The following MTHFD1L variants were observed in gnomAD, a reference collection of about 807,000 sequenced individuals.
MTHFD1L encodes the protein methylenetetrahydrofolate dehydrogenase (NADP+ dependent) 1 like.
A neutral mutation model predicts 119.5 loss-of-function variants in MTHFD1L; 81 were observed. That is an observed-to-expected ratio of 0.68 (90% CI 0.57 to 0.82). The LOEUF (loss-of-function observed/expected upper bound fraction) is 0.82, where lower values mean the gene tolerates loss of function less well. Ranked by LOEUF, MTHFD1L falls within the 40% of genes least tolerant of loss-of-function variation. The probability of loss-of-function intolerance (pLI) is 0.00; values close to 1 mark genes in which losing one functional copy is unlikely to be tolerated. For synonymous variants in MTHFD1L, 430 were observed against 475.2 expected (o/e 0.90, Z 1.24); for missense variants, 1,125 against 1,253.4 (o/e 0.90, Z 1.55).
chr6:151,078,196 A>G (rs1792774416), intron 26 of MTHFD1L, among the ~76,000 whole-genome samples: 2 of 151,924 alleles, frequency 1.3e-5, no homozygotes, highest in Non-Finnish European at 2.9e-5. Flanking sequence ...CTAGAGGAGT[A>G]TTTCACTCAA....
At chr6:151,022,173 G>T in intron 24 of MTHFD1L, 1 of 390,834 alleles carries the variant, frequency 2.6e-6, no homozygotes, top group Non-Finnish European at 5.3e-6. Context: ...TCCTCTGCTG[G>T]TCTTTTTTAA....
At chr6:150,936,301 A>G (rs971872366) in intron 11 of MTHFD1L, among the ~76,000 whole-genome samples, 6 of 152,234 alleles carry the variant, frequency 3.9e-5, no homozygotes, top group Admixed American at 3.9e-4. Context: ...AGCCCTGGGC[A>G]GGGATATCTG....
intron 8 of MTHFD1L, among the ~76,000 whole-genome samples, chr6:150,914,296 CA>C (rs575149920): frequency 1.3e-5 from 2 of 150,382 alleles, no homozygotes; most frequent in Non-Finnish European, 3.0e-5. Context: ...GACCTTATCT[CA>C]AAAAAAAGTG....
chr6:151,063,415 G>A (rs1309723231), intron 26 of MTHFD1L, among the ~76,000 whole-genome samples: 2 of 151,972 alleles, frequency 1.3e-5, no homozygotes, highest in Admixed American at 6.6e-5. Context: ...TTATTGCCTC[G>A]TTTGTCATCT....
chr6:150,869,414 G>A (rs964974464), intron 1 of MTHFD1L, among the ~76,000 whole-genome samples: 6 of 152,154 alleles, frequency 3.9e-5, no homozygotes, highest in African/African-American at 1.4e-4. Context: ...ACTTATGAGT[G>A]AGAACATGGG....
At position 150,882,805 on chromosome 6, in the gene MTHFD1L, A is replaced by G. The variant is rs1562309545; in HGVS notation, c.461A>G (p.His154Arg). The change falls in exon 5 of 28, where the codon CAT becomes CGT. Residue 154 changes from histidine to arginine, a missense_variant. His to Arg is a conservative substitution (Grantham distance 29, BLOSUM62 0). Transcript: ENST00000367321. ...ILKINEDTRV[H>R]GLALQISENL... is the part of the protein sequence containing the mutation. ...AAGATCAATGAAGATACCAGAGTAC[A>G]TGGCCTTGCCCTTCAGATCTCTGAG... 1 of 1,573,034 alleles carries G rather than the reference A, an allele frequency of 6.4e-7. No individual in the cohort carries two copies. The highest frequency in any genetic ancestry group is 8.6e-7 in the Non-Finnish European group (1 of 1,165,984).
chr6:151,078,770 A>G (rs1584415225), intron 26 of MTHFD1L, among the ~76,000 whole-genome samples: 1 of 152,132 alleles, frequency 6.6e-6, no homozygotes, highest in East Asian at 1.9e-4. Flanking sequence ...ACCTCCCTTC[A>G]CTGTCACTCG....
At chr6:150,965,377 G>A (rs985436274) in intron 19 of MTHFD1L, among the ~76,000 whole-genome samples, 1 of 152,094 alleles carries the variant, frequency 6.6e-6, no homozygotes, top group African/African-American at 2.4e-5. Flanking sequence ...GTCAATGTCT[G>A]AGGCCAGGCG....
chr6:150,935,476 C>T (rs1791898148), intron 11 of MTHFD1L: 1 of 1,607,148 alleles, frequency 6.2e-7, no homozygotes, highest in South Asian at 1.1e-5. Flanking sequence ...CCTGTGCAAT[C>T]ATAGGAGATG....
intron 26 of MTHFD1L, among the ~76,000 whole-genome samples, chr6:151,058,965 C>T (rs79830246): frequency 0.032 from 4,802 of 152,172 alleles, 108 homozygotes; most frequent in Non-Finnish European, 0.048. Flanking sequence ...CGTGAGCCAC[C>T]GCACCTGGCC....
At chr6:151,003,037 C>G (rs929675221) in intron 20 of MTHFD1L, among the ~76,000 whole-genome samples, 2 of 152,102 alleles carry the variant, frequency 1.3e-5, no homozygotes, top group African/African-American at 4.8e-5. Flanking sequence ...CGCCTCCAGT[C>G]GAGAAGGGCT....
intron 26 of MTHFD1L, among the ~76,000 whole-genome samples, chr6:151,055,486 C>T (rs1789749424): frequency 6.6e-6 from 1 of 151,924 alleles, no homozygotes; most frequent in Admixed American, 6.6e-5. Flanking sequence ...CAGGATTCAA[C>T]CCCAGAAATA....
At chr6:150,917,206 C>A (rs1788125942) in intron 8 of MTHFD1L, among the ~76,000 whole-genome samples, 1 of 152,072 alleles carries the variant, frequency 6.6e-6, no homozygotes, top group African/African-American at 2.4e-5. Context: ...TTCTATTTTT[C>A]TATGTATTGT....
intron 26 of MTHFD1L, among the ~76,000 whole-genome samples, chr6:151,089,495 C>T (rs1333528802): frequency 6.6e-6 from 1 of 152,142 alleles, no homozygotes; most frequent in Non-Finnish European, 1.5e-5. Context: ...CCCAGCTACT[C>T]GGGAGGCCGA....
At chr6:151,068,212 T>G (rs1791539898) in intron 26 of MTHFD1L, among the ~76,000 whole-genome samples, 1 of 152,254 alleles carries the variant, frequency 6.6e-6, no homozygotes, top group African/African-American at 2.4e-5. Flanking sequence ...GAAAAGTTTC[T>G]GCTGGTCCTA....
At position 151,059,082 on chromosome 6, in the gene MTHFD1L, C is replaced by T. The variant is rs145998015; in HGVS notation, c.2847+21965C>T. Among the ~76,000 whole-genome samples, 52 of 152,326 alleles carry T rather than the reference C, an allele frequency of 3.4e-4. 1 individual carries two copies. In the East Asian group the frequency reaches 9.1e-3, roughly 27 times the overall value. The stretch of plus-strand genomic sequence containing the variant: ...GTAAGCGCGCTGAAGGAGTCGGGCT[C>T]TCTGGGCCCAAAGTCCTGCCCTGGC... On this transcript the variant is annotated intron_variant, in intron 26 of 27. Transcript: ENST00000367321.
At chr6:150,965,139 G>A (rs1583839330) in intron 19 of MTHFD1L, 102 bp downstream of exon 19, 1 of 960,316 alleles carries the variant, frequency 1.0e-6, no homozygotes, top group Non-Finnish European at 1.6e-6. Flanking sequence ...CATGCCTGGG[G>A]CAGCAGTGTG....
intron 26 of MTHFD1L, among the ~76,000 whole-genome samples, chr6:151,091,404 G>A (rs562781682): frequency 8.5e-5 from 13 of 152,312 alleles, no homozygotes; most frequent in Non-Finnish European, 1.2e-4. Flanking sequence ...CCCTGGAGCA[G>A]TGTTTCAGGG....
chr6:150,985,720 A>G (rs1051969700), intron 20 of MTHFD1L, among the ~76,000 whole-genome samples: 5 of 151,940 alleles, frequency 3.3e-5, no homozygotes, highest in African/African-American at 1.2e-4. Context: ...GAATTAAGGT[A>G]ATCCTTCTTG....
Sources: allele counts gnomAD v4.1 joint callset (sites outside exome capture counted in the v4.1 genomes callset), GRCh38; gene constraint gnomAD v4.1.1; transcripts MANE v1.5; gene names NCBI Gene and HGNC (gene_info 2026-07-23, HGNC 2026-07-21).